Variants in PITRM1 observed in about 807,000 individuals in gnomAD.
The protein encoded by PITRM1 is presequence protease, mitochondrial.
Under a neutral mutation model 129.9 loss-of-function variants are expected in PITRM1, and 100 were observed. The observed-to-expected ratio is 0.77, with a 90% CI of 0.65 to 0.91. The LOEUF (loss-of-function observed/expected upper bound fraction) is 0.91, where lower values mean the gene tolerates loss of function less well. PITRM1 is among the 40% of genes least tolerant of loss of function. The pLI, the probability that PITRM1 is intolerant of heterozygous loss-of-function variation, is 0.00. For synonymous variants in PITRM1, 591 were observed against 508.8 expected, an observed-to-expected ratio of 1.16 and a Z score of -2.17; for missense variants, 1,471 against 1,318.3, an observed-to-expected ratio of 1.12 and a Z score of -1.79.
Position 3,166,334 on chromosome 10 carries a change from T to C in PITRM1, c.313A>G (p.Ile105Val), listed in dbSNP as rs757486951. The change falls in exon 4 of 27, where the codon ATT becomes GTT. Residue 105 changes from isoleucine (I) to valine (V), a missense_variant. By Grantham distance (29) the Ile-to-Val change is conservative. Transcript: ENST00000224949. Reference sequence around the variant, plus strand: ...CCACAAAGGACGGTATGCTCAAGAATGTGAGGAACACCAGTACTGTCCATG... The same window carrying C: ...CCACAAAGGACGGTATGCTCAAGAACGTGAGGAACACCAGTACTGTCCATG... ...TPMDSTGVPH[I>V]LEHTVLCGSQ... 2.6e-6 allele frequency: 4 copies of C among 1,537,788 alleles called. No homozygotes were observed. Among genetic ancestry groups the C allele is most frequent in the Admixed American group, 1.8e-5 (1 of 54,484 alleles).
intron 21 of PITRM1, 135 bp from the exon 22 acceptor site, chr10:3,144,501 C>T (rs1476992053): frequency 1.2e-5 from 7 of 589,272 alleles, no homozygotes; most frequent in African/African-American, 5.8e-5. Context: ...AAATAATAAA[C>T]GCTTAAAAAA....
chr10:3,171,993 T>C (rs1213077541), intron 1 of PITRM1, among the ~76,000 whole-genome samples: 1 of 152,236 alleles, frequency 6.6e-6, no homozygotes, highest in African/African-American at 2.4e-5. Flanking sequence ...ACTGGCAATA[T>C]TATGAAGATA....
chr10:3,144,370 A>C lies in PITRM1; in HGVS notation c.2458-4T>G, dbSNP rs769571069. ...CAGAGCTGCTGGGCACAGGTTTCTG[A>C]AAATCAAGTTTCCAAGAGAAAAGAG... On this transcript the variant is annotated splice_polypyrimidine_tract_variant and splice_region_variant and intron_variant, in intron 21 of 26. Coordinates refer to ENST00000224949, the MANE Select transcript of PITRM1 (RefSeq NM_014889.4). 1.3e-6 allele frequency: 2 copies of C among 1,543,680 alleles called. No individual in the cohort carries two copies. Among genetic ancestry groups the C allele is most frequent in the Non-Finnish European group, 1.8e-6 (2 of 1,139,836 alleles).
chr10:3,151,628 C>G (rs1223126651), intron 14 of PITRM1, among the ~76,000 whole-genome samples: 2 of 152,218 alleles, frequency 1.3e-5, no homozygotes, highest in African/African-American at 4.8e-5. Context: ...GTGGTTTGCT[C>G]AAGCAGCTTC....
At position 3,147,596 on chromosome 10, in the gene PITRM1, C is replaced by T. The variant is rs1841026071; in HGVS notation, c.2211G>A (p.Gln737=). ...CCTGATCCATCCCGCTGAAGGTCTC[C>T]TGCAGGTCCCCTGCGGGCGTGAGGG... ...GRTLTPAGDL[Q]ETFSGMDQVR... Residue 737 remains glutamine, a synonymous_variant, in exon 19 of 27, where the codon CAG becomes CAA. Transcript: ENST00000224949. 6.8e-6 allele frequency: 11 copies of T among 1,613,942 alleles called. No homozygotes were observed. The highest frequency in any genetic ancestry group is 9.3e-6 in the Non-Finnish European group (11 of 1,179,916).
chr10:3,155,076 A>G (rs1186854581), intron 14 of PITRM1, among the ~76,000 whole-genome samples: 1 of 152,124 alleles, frequency 6.6e-6, no homozygotes, highest in Non-Finnish European at 1.5e-5. Context: ...TCTTCCATAC[A>G]GGCCCTCCCC....
chr10:3,158,105 C>T lies in PITRM1; in HGVS notation c.1185G>A (p.Gly395=), dbSNP rs1441790095. 8.7e-6 allele frequency: 14 copies of T among 1,610,740 alleles called. No homozygotes were observed. The highest frequency in any genetic ancestry group is 1.2e-5 in the Non-Finnish European group (14 of 1,177,770). ...CGGTCTCAATGTCTTTCTCCGCAAT[C>T]CCTTGGAGGCCGACACTAAAGTAGG... ...REAYFSVGLQ[G]IAEKDIETVR... The change falls in exon 11 of 27, where the codon GGG becomes GGA. Residue 395 remains glycine (G), a synonymous_variant. Transcript: ENST00000224949.
At chr10:3,154,981 C>G (rs1841855701) in intron 14 of PITRM1, among the ~76,000 whole-genome samples, 1 of 152,204 alleles carries the variant, frequency 6.6e-6, no homozygotes, top group Non-Finnish European at 1.5e-5. Context: ...TTCTGCAAAA[C>G]TATCCTGAAT....
At chr10:3,148,122 C>T (rs1841101360) in intron 17 of PITRM1, 49 bp downstream of exon 17, 1 of 1,613,774 alleles carries the variant, frequency 6.2e-7, no homozygotes, top group South Asian at 1.1e-5. Context: ...GTGACAGACA[C>T]TGGAGAAAAG....
chr10:3,140,177 T>G (rs1284664875), intron 24 of PITRM1, among the ~76,000 whole-genome samples: 1 of 152,198 alleles, frequency 6.6e-6, no homozygotes. Flanking sequence ...TGGGCTACTA[T>G]TAAGTAAAAC....
chr10:3,149,694 C>T lies in PITRM1; in HGVS notation c.1798G>A (p.Ala600Thr). The change falls in exon 16 of 27, where the codon GCC (alanine) becomes ACC (threonine). Residue 600 changes from alanine to threonine, a missense_variant. By Grantham distance (58) the Ala-to-Thr change is moderately conservative. Coordinates refer to ENST00000224949, the MANE Select transcript of PITRM1 (RefSeq NM_014889.4). ...GGGAGTGTGTTCAGGCTGGAGAAGG[C>T]CCGGAAATACACCATGCCATTGGTG... ...QPTNGMVYFR[A>T]FSSLNTLPEE... 2 of 1,611,164 alleles carry T rather than the reference C, an allele frequency of 1.2e-6. No homozygotes were observed. The highest frequency in any genetic ancestry group is 1.7e-4 in the Middle Eastern group (1 of 5,964).
chr10:3,145,620 C>A lies in PITRM1; in HGVS notation c.2433G>T (p.Arg811Ser). The A allele has an allele frequency of 6.5e-7, 1 of 1,550,000 alleles. No individual in the cohort carries two copies. Among genetic ancestry groups the A allele is most frequent in the Non-Finnish European group, 8.7e-7 (1 of 1,146,976 alleles). Reference sequence around the variant, plus strand: ...CCTCGACCGTGTGTGGGCGCACAGGCCTCCGTTCCTTTTTACTCCGACCGA... The same window carrying A: ...CCTCGACCGTGTGTGGGCGCACAGGACTCCGTTCCTTTTTACTCCGACCGA... The part of the protein sequence containing the change: ...RSIGRSKKER[R>S]PVRPHTVEKP... Residue 811 changes from arginine (R) to serine (S), a missense_variant, in exon 21 of 27, where the codon AGG becomes AGT. Transcript: ENST00000224949.
intron 23 of PITRM1, 27 bp downstream of exon 23, chr10:3,143,362 G>A (rs766768113): frequency 7.1e-7 from 1 of 1,407,986 alleles, no homozygotes; most frequent in Non-Finnish European, 1.0e-6. Context: ...GCTCAGGCCT[G>A]AGAGGTCCCG....
intron 6 of PITRM1, 92 bp from the exon 7 acceptor site, chr10:3,163,977 G>T: frequency 1.3e-6 from 1 of 794,776 alleles, no homozygotes. Context: ...TCACATTCTG[G>T]TGCATACACC....
rs183953078 is a variant in PITRM1 at position 3,158,249 on chromosome 10, A to T, written c.1137-96T>A. 3.0e-3 allele frequency: 2,158 copies of T among 714,616 alleles called. 1 individual carries two copies. The highest frequency in any genetic ancestry group is 4.5e-3 in the Non-Finnish European group (1,862 of 415,634). The allele number at this position is 714,616 out of a possible 1,614,324, so 44.3% of individuals were successfully genotyped here. A position where few individuals can be genotyped will look rare whatever the true frequency, so the allele number is the denominator to read the frequency against. On this transcript the variant is annotated intron_variant, in intron 10 of 26. Coordinates refer to ENST00000224949, the MANE Select transcript of PITRM1 (RefSeq NM_014889.4). ...TTTAAAGATCAGAACGAAGCGCCTT[A>T]AACTCCAGCCCCTCCACTGAAAAGC... is the stretch of plus-strand genomic sequence containing the variant.
At chr10:3,157,267 C>A in intron 12 of PITRM1, 168 bp downstream of exon 12, 1 of 648,002 alleles carries the variant, frequency 1.5e-6, no homozygotes, top group Non-Finnish European at 2.5e-6. Flanking sequence ...AAATAAAAAG[C>A]ACAGGCTGAA....
chr10:3,147,760 A>G, intron 18 of PITRM1, 23 bp from the exon 19 acceptor site: 1 of 1,554,554 alleles, frequency 6.4e-7, no homozygotes, highest in Non-Finnish European at 8.7e-7. Context: ...GAGAAGAAAA[A>G]ATTCCTGGAG....
At position 3,139,025 on chromosome 10, in the gene PITRM1, G is replaced by A. The variant is rs1218264570; in HGVS notation, c.2796C>T (p.Leu932=). The change falls in exon 25 of 27, where the codon CTC becomes CTT. Residue 932 remains leucine (L), a synonymous_variant. Transcript: ENST00000224949. Reference sequence around the variant, plus strand: ...AGTCGACAGCCTTCCCAAAAGACTGGAGCGTCTCTATTGTATTTGGGTCCC... The same window carrying A: ...AGTCGACAGCCTTCCCAAAAGACTGAAGCGTCTCTATTGTATTTGGGTCCC... ...SYRDPNTIET[L]QSFGKAVDWA... is the part of the protein sequence containing the mutation. The A allele has an allele frequency of 3.7e-6, 6 of 1,613,822 alleles. No individual in the cohort carries two copies. Among genetic ancestry groups the A allele is most frequent in the Non-Finnish European group, 3.4e-6 (4 of 1,179,836 alleles).
rs111799916 is a variant in PITRM1 at position 3,159,400 on chromosome 10, A to G, written c.1008-358T>C. 4.8e-3 allele frequency among the ~76,000 whole-genome samples: 732 copies of G among 152,346 alleles called. 6 individuals carry two copies. Among genetic ancestry groups the G allele is most frequent in the African/African-American group, 0.017 (692 of 41,568 alleles). ...GCAGGCTGAGCACGGGAGGGCCCAG[A>G]GCCCAAGCCTTCCCTTCCTGAACAC... On this transcript the variant is annotated intron_variant, in intron 9 of 26. Transcript: ENST00000224949.
Sources: gnomAD v4.1 joint callset for allele counts (sites outside exome capture counted in the v4.1 genomes callset) on GRCh38, gnomAD v4.1.1 for gene constraint, MANE v1.5 for transcripts, NCBI Gene and HGNC (gene_info 2026-07-23, HGNC 2026-07-21) for gene names.